Variants in PPP1R12B observed in about 807,000 individuals in gnomAD.
PPP1R12B encodes the protein protein phosphatase 1 regulatory subunit 12B, also known as myosin phosphatase target subunit 2.
A neutral mutation model predicts 126.1 loss-of-function variants in PPP1R12B; 76 were observed. The ratio of observed to expected loss-of-function variants is 0.60; its 90% CI spans 0.50 to 0.73. PPP1R12B has a LOEUF of 0.73. Ranked by LOEUF, PPP1R12B falls within the 30% of genes least tolerant of loss-of-function variation. The probability of loss-of-function intolerance (pLI) is 0.00; values close to 1 mark genes in which losing one functional copy is unlikely to be tolerated. For missense variants in PPP1R12B, 1,052 were observed against 1,205.1 expected (o/e 0.87, Z 1.88); for synonymous variants, 356 against 434.7 (o/e 0.82, Z 2.25).
intron 13 of PPP1R12B, among the ~76,000 whole-genome samples, chr1:202,481,134 A>G (rs1265211409): frequency 2.0e-5 from 3 of 152,214 alleles, no homozygotes; most frequent in Non-Finnish European, 4.4e-5. Flanking sequence ...GCCGTGGCTG[A>G]TCTGACAGAG....
At chr1:202,385,436 G>A (rs1662963314) in intron 1 of PPP1R12B, among the ~76,000 whole-genome samples, 1 of 152,148 alleles carries the variant, frequency 6.6e-6, no homozygotes, top group Admixed American at 6.5e-5. Flanking sequence ...CTGGAAAAAA[G>A]AAGCTCATTC....
rs1329186834 is a variant in PPP1R12B at position 202,495,649 on chromosome 1, A to G, written c.2415A>G (p.Arg805=). The change falls in exon 17 of 24, where the codon CGA becomes CGG. Residue 805 remains arginine, a synonymous_variant. Transcript: ENST00000608999. ...AGAGGAGGCGGCCCAAGGAACGACG[A>G]AGAGGCACAGGCATCAATTTCTGGA... ...IRERRRPKER[R]RGTGINFWTK... 1 of 1,614,132 alleles carries G rather than the reference A, an allele frequency of 6.2e-7. No individual in the cohort carries two copies. The highest frequency in any genetic ancestry group is 8.5e-7 in the Non-Finnish European group (1 of 1,180,004).
intron 21 of PPP1R12B, 87 bp from the exon 22 acceptor site, chr1:202,567,691 G>A: frequency 6.4e-6 from 9 of 1,398,302 alleles, no homozygotes; most frequent in Non-Finnish European, 9.1e-6. Context: ...ATTTCTAGAT[G>A]TCTAGTAGTG....
rs1028159453 is a variant in PPP1R12B at position 202,588,836 on chromosome 1, TAGATAGATAGA to T, written c.*8277_*8287del. Reference sequence around the variant, plus strand: ...TCAAAAGAACCGTAAGATAGATAGATAGATAGATAGATAGATAGATAGATAGATAGATAGAT... The same window carrying T: ...TCAAAAGAACCGTAAGATAGATAGATTAGATAGATAGATAGATAGATAGAT... On this transcript the variant is annotated 3_prime_UTR_variant, in exon 24 of 24. Transcript: ENST00000608999. The T allele has an allele frequency of 1.5e-5, 2 of 135,942 alleles. No individual in the cohort carries two copies. The highest frequency in any genetic ancestry group is 7.1e-5 in the Admixed American group (1 of 14,160). The allele number at this position is 135,942 out of a possible 1,614,324, so 8.4% of individuals were successfully genotyped here. A position where few individuals can be genotyped will look rare whatever the true frequency, so the allele number is the denominator to read the frequency against.
chr1:202,446,285 G>A (rs12744511), intron 12 of PPP1R12B, among the ~76,000 whole-genome samples: 26 of 109,096 alleles, frequency 2.4e-4, no homozygotes, highest in Non-Finnish European at 3.9e-4. Flanking sequence ...ATGGAATATC[G>A]CTCTGTCACC....
At chr1:202,450,097 C>G (rs1211836766) in intron 13 of PPP1R12B, among the ~76,000 whole-genome samples, 2 of 152,186 alleles carry the variant, frequency 1.3e-5, no homozygotes, top group Admixed American at 1.3e-4. Flanking sequence ...AGAGAAGGAT[C>G]TTTTGTTTTG....
At chr1:202,386,955 A>G (rs1377004835) in intron 1 of PPP1R12B, among the ~76,000 whole-genome samples, 2 of 152,234 alleles carry the variant, frequency 1.3e-5, no homozygotes, top group Non-Finnish European at 2.9e-5. Flanking sequence ...AAATAAAAAT[A>G]AGTTAGGTGA....
chr1:202,471,138 T>C (rs1381064621), intron 13 of PPP1R12B, among the ~76,000 whole-genome samples: 1 of 152,178 alleles, frequency 6.6e-6, no homozygotes, highest in African/African-American at 2.4e-5. Flanking sequence ...ATCACTATTA[T>C]TTTTCATTTG....
chr1:202,382,039 A>G (rs1295024054), intron 1 of PPP1R12B, among the ~76,000 whole-genome samples: 1 of 152,138 alleles, frequency 6.6e-6, no homozygotes, highest in Admixed American at 6.6e-5. Context: ...TCCAACAATG[A>G]TAGACTGGAT....
chr1:202,527,044 C>G (rs1683419970), intron 18 of PPP1R12B, among the ~76,000 whole-genome samples: 1 of 150,918 alleles, frequency 6.6e-6, no homozygotes, highest in Non-Finnish European at 1.5e-5. Context: ...CAGAGTAAGC[C>G]CAAAGTAAGT....
At chr1:202,572,701 CCTT>C (rs1259453164) in intron 23 of PPP1R12B, among the ~76,000 whole-genome samples, 1 of 152,126 alleles carries the variant, frequency 6.6e-6, no homozygotes, top group Non-Finnish European at 1.5e-5. Context: ...CCTTGTCAGA[CCTT>C]CTCCCCTTCC....
intron 1 of PPP1R12B, among the ~76,000 whole-genome samples, chr1:202,404,184 T>C (rs1666250774): frequency 6.6e-6 from 1 of 152,226 alleles, no homozygotes; most frequent in Admixed American, 6.5e-5. Context: ...ATGGATGGAA[T>C]ATAGGGACCT....
intron 22 of PPP1R12B, 101 bp downstream of exon 22, chr1:202,567,932 A>C (rs1358614837): frequency 4.3e-6 from 6 of 1,391,146 alleles, no homozygotes; most frequent in African/African-American, 1.4e-5. Flanking sequence ...CATCTTAAGA[A>C]GGAGGGAGTT....
chr1:202,351,023 C>G (rs932759381), intron 1 of PPP1R12B, among the ~76,000 whole-genome samples: 7 of 151,962 alleles, frequency 4.6e-5, no homozygotes, highest in African/African-American at 1.7e-4. Context: ...ATAGGGCTGA[C>G]AAGGAGTTGA....
At chr1:202,447,305 C>T (rs1316833282) in intron 12 of PPP1R12B, among the ~76,000 whole-genome samples, 1 of 152,228 alleles carries the variant, frequency 6.6e-6, no homozygotes, top group Non-Finnish European at 1.5e-5. Context: ...CAAGGTCACA[C>T]AGCTAGTGAG....
rs556097511 is a variant in PPP1R12B at position 202,417,160 on chromosome 1, G to A, written c.422+243G>A. The stretch of plus-strand genomic sequence containing the variant: ...TTCTATTTTCAGGTAATTTATATTT[G>A]CTGGGATATGCAGAGGTGGCTGTTC... On this transcript the variant is annotated intron_variant, in intron 2 of 23. Transcript: ENST00000608999. 2.0e-4 allele frequency: 168 copies of A among 852,920 alleles called. No homozygotes were observed. In the South Asian group the frequency reaches 5.4e-3, roughly 27 times the overall value. The allele number at this position is 852,920 out of a possible 1,614,324, so 52.8% of individuals were successfully genotyped here.
chr1:202,583,368 A>G lies in PPP1R12B; in HGVS notation c.*2808A>G, dbSNP rs1015595039. 1 of 152,204 alleles carries G rather than the reference A, an allele frequency of 6.6e-6. No individual in the cohort carries two copies. The highest frequency in any genetic ancestry group is 1.5e-5 in the Non-Finnish European group (1 of 68,040). The allele number at this position is 152,204 out of a possible 1,614,324, so 9.4% of individuals were successfully genotyped here. A position where few individuals can be genotyped will look rare whatever the true frequency, so the allele number is the denominator to read the frequency against. ...TGGTGTTGCATCCCTGCCACTTCAC[A>G]TGACCCTTCCATGTTAAAGCTGACT... On this transcript the variant is annotated 3_prime_UTR_variant, in exon 24 of 24. Transcript: ENST00000608999.
chr1:202,449,975 C>T (rs1250575687), intron 13 of PPP1R12B, among the ~76,000 whole-genome samples: 4 of 152,154 alleles, frequency 2.6e-5, no homozygotes, highest in African/African-American at 9.7e-5. Flanking sequence ...CGTGAGCCAC[C>T]GCTCCCGGCT....
intron 18 of PPP1R12B, among the ~76,000 whole-genome samples, chr1:202,533,986 G>T (rs762727313): frequency 6.6e-6 from 1 of 152,100 alleles, no homozygotes; most frequent in African/African-American, 2.4e-5. Context: ...TTACAGTCAT[G>T]GTTGCCAAAT....
Sources: allele counts gnomAD v4.1 joint callset (sites outside exome capture counted in the v4.1 genomes callset), GRCh38; gene constraint gnomAD v4.1.1; transcripts MANE v1.5; gene names NCBI Gene and HGNC (gene_info 2026-07-23, HGNC 2026-07-21).